The following TNFRSF19 variants were observed in gnomAD, a reference collection of about 807,000 sequenced individuals.
TNFRSF19 encodes TNF receptor superfamily member 19, also known as tumor necrosis factor receptor superfamily member 19.
A neutral mutation model predicts 46.4 loss-of-function variants in TNFRSF19; 27 were observed. That is an observed-to-expected ratio of 0.58 (90% CI 0.43 to 0.80). TNFRSF19 has a LOEUF of 0.80. Ranked by LOEUF, TNFRSF19 falls within the 30% of genes least tolerant of loss-of-function variation. The pLI is 0.00. For synonymous variants in TNFRSF19, 204 were observed against 205.0 expected, an observed-to-expected ratio of 1.00 and a Z score of 0.04; for missense variants, 511 against 530.8, an observed-to-expected ratio of 0.96 and a Z score of 0.37.
rs1454608315 is a variant in TNFRSF19, at chr13:23,570,612, C to T, written c.-271C>T. On this transcript the variant is annotated 5_prime_UTR_variant, in exon 1 of 10. Coordinates refer to ENST00000248484, the MANE Select transcript of TNFRSF19 (RefSeq NM_148957.4). ...AGGGTAACTACCTGCTGAAAGTGAACTTTCTTTGATATCCATGCATATATA... is the reference window on the plus strand; with the variant it reads ...AGGGTAACTACCTGCTGAAAGTGAATTTTCTTTGATATCCATGCATATATA... The T allele has an allele frequency of 2.0e-5, 3 of 152,180 alleles. No homozygotes were observed. Among genetic ancestry groups the T allele is most frequent in the Non-Finnish European group, 2.9e-5 (2 of 68,050 alleles). The allele number at this position is 152,180 out of a possible 1,614,324, so 9.4% of individuals were successfully genotyped here.
chr13:23,602,620 A>G, intron 3 of TNFRSF19, among the ~76,000 whole-genome samples: 1 of 152,070 alleles, frequency 6.6e-6, no homozygotes, highest in East Asian at 1.9e-4. Context: ...GCCATAAAAC[A>G]CACCTTAACA....
intron 2 of TNFRSF19, among the ~76,000 whole-genome samples, chr13:23,590,999 G>T (rs1879242961): frequency 6.6e-6 from 1 of 152,104 alleles, no homozygotes; most frequent in African/African-American, 2.4e-5. Flanking sequence ...GTTCCAAAAA[G>T]CAGGAAACAC....
In TNFRSF19 at chr13:23,591,077, T is replaced by A. The variant is rs74375107; in HGVS notation, c.69+825T>A. Among the ~76,000 whole-genome samples, 1,089 of 152,390 alleles carry A rather than the reference T, an allele frequency of 7.1e-3. 6 individuals are homozygous for A. The highest frequency in any genetic ancestry group is 0.025 in the African/African-American group (1,041 of 41,592). On this transcript the variant is annotated intron_variant, in intron 2 of 9. Transcript: ENST00000248484. ...TGAATGTGTTCAAAAGAACAAAGTT[T>A]ATTTAATCTAGTGATAAAATAATGA... is the stretch of plus-strand genomic sequence containing the variant.
intron 5 of TNFRSF19, among the ~76,000 whole-genome samples, chr13:23,631,726 T>C (rs1189248885): frequency 6.6e-6 from 1 of 152,212 alleles, no homozygotes; most frequent in Non-Finnish European, 1.5e-5. Context: ...CAATACAGGT[T>C]TCCTTTAAAG....
intron 7 of TNFRSF19, among the ~76,000 whole-genome samples, chr13:23,662,996 G>A (rs1286234774): frequency 1.3e-5 from 2 of 152,094 alleles, no homozygotes; most frequent in East Asian, 1.9e-4. Context: ...TTCCTGCTTA[G>A]ATGCCCTTTG....
Position 23,634,951 on chromosome 13 carries a change from T to C in TNFRSF19, c.445+8159T>C, listed in dbSNP as rs138204354. 6.6e-3 allele frequency among the ~76,000 whole-genome samples: 1,004 copies of C among 151,870 alleles called. 8 individuals carry two copies. The highest frequency in any genetic ancestry group is 0.011 in the Non-Finnish European group (736 of 67,936). Reference sequence around the variant, plus strand: ...AGAAGGGAAAAAAGAAGTTCCAGAATAGTGTGAAATAGCAAGTATTTCTTG... The same window carrying C: ...AGAAGGGAAAAAAGAAGTTCCAGAACAGTGTGAAATAGCAAGTATTTCTTG... On this transcript the variant is annotated intron_variant, in intron 5 of 9. Transcript: ENST00000248484.
chr13:23,669,697 G>A (rs1360045627), intron 9 of TNFRSF19: 1 of 985,202 alleles, frequency 1.0e-6, no homozygotes, highest in African/African-American at 1.7e-5. Context: ...TGGAGCGAGG[G>A]TGGCACCTGC....
At chr13:23,598,045 C>T (rs770893053) in intron 3 of TNFRSF19, among the ~76,000 whole-genome samples, 1 of 152,068 alleles carries the variant, frequency 6.6e-6, no homozygotes, top group Non-Finnish European at 1.5e-5. Context: ...CAAAATTCAC[C>T]CCGTCATGCT....
intron 5 of TNFRSF19, among the ~76,000 whole-genome samples, chr13:23,631,487 A>G (rs1882358367): frequency 6.6e-6 from 1 of 152,144 alleles, no homozygotes; most frequent in Non-Finnish European, 1.5e-5. Flanking sequence ...GGCTGTTCCT[A>G]TTCCACGTGA....
chr13:23,642,547 G>A (rs978860118), intron 5 of TNFRSF19, among the ~76,000 whole-genome samples: 1 of 152,198 alleles, frequency 6.6e-6, no homozygotes, highest in Non-Finnish European at 1.5e-5. Context: ...TGCATGCAAA[G>A]CCAGGAGGAG....
chr13:23,640,581 C>T (rs1882979463), intron 5 of TNFRSF19, among the ~76,000 whole-genome samples: 1 of 152,204 alleles, frequency 6.6e-6, no homozygotes, highest in South Asian at 2.1e-4. Flanking sequence ...TCCTAACCAC[C>T]TTTCTCCTGC....
intron 3 of TNFRSF19, among the ~76,000 whole-genome samples, chr13:23,606,930 CAT>C (rs1465117999): frequency 2.0e-5 from 3 of 152,122 alleles, no homozygotes; most frequent in Non-Finnish European, 4.4e-5. Flanking sequence ...TTTGCAACAG[CAT>C]ATGTCTTTCA....
intron 3 of TNFRSF19, among the ~76,000 whole-genome samples, chr13:23,600,739 G>A (rs1454603941): frequency 6.6e-6 from 1 of 152,110 alleles, no homozygotes; most frequent in African/African-American, 2.4e-5. Context: ...CCCATTTAAG[G>A]GAGAGGCACT....
chr13:23,582,847 C>T (rs993001483), intron 1 of TNFRSF19, among the ~76,000 whole-genome samples: 2 of 152,192 alleles, frequency 1.3e-5, no homozygotes, highest in African/African-American at 4.8e-5. Flanking sequence ...TGGCTTCTTT[C>T]ACTCACAATA....
chr13:23,640,598 TCTC>T (rs1882981452), intron 5 of TNFRSF19, among the ~76,000 whole-genome samples: 1 of 152,148 alleles, frequency 6.6e-6, no homozygotes, highest in African/African-American at 2.4e-5. Flanking sequence ...CTGCACACCT[TCTC>T]CTCTCAAGTA....
chr13:23,617,368 C>T (rs1881373516), intron 4 of TNFRSF19, among the ~76,000 whole-genome samples: 1 of 152,054 alleles, frequency 6.6e-6, no homozygotes, highest in African/African-American at 2.4e-5. Flanking sequence ...AGGGGGAGCA[C>T]CAGGGAGGAG....
chr13:23,649,141 A>G (rs376806400), intron 5 of TNFRSF19, among the ~76,000 whole-genome samples: 149 of 152,294 alleles, frequency 9.8e-4, no homozygotes, highest in African/African-American at 3.5e-3. Flanking sequence ...GAGTTTGAGA[A>G]GTGTTGGAGT....
At chr13:23,609,582 C>T (rs1022622234) in intron 3 of TNFRSF19, among the ~76,000 whole-genome samples, 3 of 152,308 alleles carry the variant, frequency 2.0e-5, no homozygotes, top group East Asian at 3.9e-4. Flanking sequence ...CCACTTGAAA[C>T]AGGCTTCAAG....
At chr13:23,588,376 A>C (rs1459935594) in intron 1 of TNFRSF19, among the ~76,000 whole-genome samples, 1 of 152,140 alleles carries the variant, frequency 6.6e-6, no homozygotes, top group Non-Finnish European at 1.5e-5. Context: ...GATGGGTTCT[A>C]TTTTTGTCTC....
Sources: gnomAD v4.1 joint callset for allele counts (sites outside exome capture counted in the v4.1 genomes callset) on GRCh38, gnomAD v4.1.1 for gene constraint, MANE v1.5 for transcripts, NCBI Gene and HGNC (gene_info 2026-07-23, HGNC 2026-07-21) for gene names.